Variants in DCDC2 observed in about 807,000 individuals in gnomAD.
DCDC2 encodes doublecortin domain-containing protein 2.
In DCDC2, 40 loss-of-function variants were observed where a neutral mutation model predicts 50.2. That is an observed-to-expected ratio of 0.80 (90% confidence interval 0.62 to 1.04). DCDC2 has a LOEUF of 1.04. Among genes scored for constraint, DCDC2 ranks in the 50% least tolerant of loss-of-function variants. DCDC2 has a pLI of 0.00. For synonymous variants in DCDC2, 234 were observed against 210.6 expected (o/e 1.11, Z -0.96); for missense variants, 570 against 581.9 (o/e 0.98, Z 0.21).
rs934702562 is a variant in DCDC2 at position 24,290,032 on chromosome 6, C to T, written c.704+900G>A. Among the ~76,000 whole-genome samples, 18 of 125,434 alleles carry T rather than the reference C, an allele frequency of 1.4e-4. No individual in the cohort carries two copies. The South Asian group carries it at 2.4e-3, about 17-fold the overall frequency. 82.3% of individuals were successfully genotyped at this position (125,434 alleles called of 152,430 possible). The stretch of plus-strand genomic sequence containing the variant: ...TTTTTGAGACGGAGTCTCGCTCTGT[C>T]GCCCAGGCTGGAGTGCAGTGGCGGG... On this transcript the variant is annotated intron_variant, in intron 5 of 9. Transcript: ENST00000378454.
upstream of DCDC2, among the ~76,000 whole-genome samples, chr6:24,359,350 A>T (rs1244377653): frequency 1.5e-4 from 9 of 58,896 alleles, 1 homozygote; most frequent in African/African-American, 7.7e-4. Context: ...TATTATATAT[A>T]TTTTATGTAT....
intron 8 of DCDC2, among the ~76,000 whole-genome samples, chr6:24,188,573 A>G (rs986091867): frequency 1.3e-5 from 2 of 152,192 alleles, no homozygotes; most frequent in African/African-American, 4.8e-5. Context: ...TTTATGCTCA[A>G]AGTCTTCATC....
intron 8 of DCDC2, among the ~76,000 whole-genome samples, chr6:24,204,697 T>C (rs868465172): frequency 6.6e-5 from 10 of 152,290 alleles, no homozygotes; most frequent in African/African-American, 1.9e-4. Flanking sequence ...CCAATACTCT[T>C]TTTTATATCA....
At chr6:24,213,805 C>G (rs1425952534) in intron 7 of DCDC2, among the ~76,000 whole-genome samples, 1 of 152,076 alleles carries the variant, frequency 6.6e-6, no homozygotes, top group Non-Finnish European at 1.5e-5. Context: ...TATTAGCCAA[C>G]TCTCCTGGGA....
chr6:24,266,648 G>C (rs148438390), intron 7 of DCDC2, among the ~76,000 whole-genome samples: 1 of 151,998 alleles, frequency 6.6e-6, no homozygotes, highest in African/African-American at 2.4e-5. Flanking sequence ...TATTTTATTC[G>C]GAAGACAGAC....
intron 7 of DCDC2, among the ~76,000 whole-genome samples, chr6:24,275,304 G>A (rs1763328240): frequency 6.6e-6 from 1 of 152,184 alleles, no homozygotes; most frequent in Admixed American, 6.5e-5. Flanking sequence ...GACATCTGCA[G>A]GGAGATCCCA....
rs554707580 is a variant in DCDC2, at chr6:24,174,438, T to C, written c.*292A>G. The C allele has an allele frequency of 2.0e-5, 4 of 200,480 alleles. No homozygotes were observed. In the South Asian group the frequency reaches 5.8e-4, roughly 29 times the overall value. The allele number at this position is 200,480 out of a possible 1,614,324, so 12.4% of individuals were successfully genotyped here. ...ATAAAGCGTACAATAAGAGTGATCC[T>C]ATTTTTCATCCTTTACAAGTGGCAA... On this transcript the variant is annotated 3_prime_UTR_variant, in exon 10 of 10. Coordinates refer to ENST00000378454, the MANE Select transcript of DCDC2 (RefSeq NM_016356.5).
intron 2 of DCDC2, among the ~76,000 whole-genome samples, chr6:24,302,466 C>A (rs374374707): frequency 1.3e-5 from 2 of 152,108 alleles, no homozygotes; most frequent in East Asian, 1.9e-4. Context: ...TTCCCATGCA[C>A]CTGCTTTCTG....
At chr6:24,180,138 A>G (rs2996452) in intron 8 of DCDC2, among the ~76,000 whole-genome samples, 130,065 of 151,948 alleles carry the variant, frequency 0.86, 55,832 homozygotes, top group Admixed American at 0.88. Flanking sequence ...ATGAAGATTA[A>G]AGAAAAGTTA....
At chr6:24,225,408 T>TACACAC (rs149354141) in intron 7 of DCDC2, among the ~76,000 whole-genome samples, 1 of 151,366 alleles carries the variant, frequency 6.6e-6, no homozygotes, top group African/African-American at 2.4e-5. Flanking sequence ...TTAAACTTGA[T>TACACAC]ACACACACAC....
rs74826230 is a variant in DCDC2, at chr6:24,325,434, G to C, written c.349-23390C>G. Among the ~76,000 whole-genome samples, 740 of 149,692 alleles carry C rather than the reference G, an allele frequency of 4.9e-3. 61 individuals are homozygous for C. The highest frequency in any genetic ancestry group is 7.7e-3 in the Non-Finnish European group (518 of 67,242). Reference sequence around the variant, plus strand: ...CTAGATCTTGGCTCCCACTGGCAAAGATGAGTGGGGGTTATTGTCTTCTCT... The same window carrying C: ...CTAGATCTTGGCTCCCACTGGCAAACATGAGTGGGGGTTATTGTCTTCTCT... On this transcript the variant is annotated intron_variant, in intron 2 of 9. Coordinates refer to ENST00000378454, the MANE Select transcript of DCDC2 (RefSeq NM_016356.5).
At position 24,178,622 on chromosome 6, in the gene DCDC2, T is replaced by A; in HGVS notation, c.1034A>T (p.Glu345Val). 1.2e-6 allele frequency: 2 copies of A among 1,612,366 alleles called. No homozygotes were observed. The highest frequency in any genetic ancestry group is 1.7e-6 in the Non-Finnish European group (2 of 1,179,634). The change falls in exon 9 of 10, where the codon GAA (glutamate) becomes GTA (valine). Residue 345 changes from glutamate (E) to valine (V), a missense_variant. Transcript: ENST00000378454. Reference sequence around the variant, plus strand: ...TCCATCTTCTTCCTCGTCTACTATTTCTGCTGGCCTCTGATGGATCAAAAG... The same window carrying A: ...TCCATCTTCTTCCTCGTCTACTATTACTGCTGGCCTCTGATGGATCAAAAG... ...VEVPVDQRPAEIVDEEEDGEK... is the reference protein window; with the variant it reads ...VEVPVDQRPAVIVDEEEDGEK...
At chr6:24,180,081 G>A (rs1475941124) in intron 8 of DCDC2, among the ~76,000 whole-genome samples, 1 of 151,958 alleles carries the variant, frequency 6.6e-6, no homozygotes, top group Admixed American at 6.6e-5. Flanking sequence ...TAACTTTGGT[G>A]AGTTTCAGAT....
chr6:24,194,318 A>T (rs1581579044), intron 8 of DCDC2, among the ~76,000 whole-genome samples: 1 of 152,352 alleles, frequency 6.6e-6, no homozygotes, highest in African/African-American at 2.4e-5. Flanking sequence ...GTTTAAAAAA[A>T]TTATTTTACT....
At chr6:24,280,923 C>T (rs1004168908) in intron 6 of DCDC2, among the ~76,000 whole-genome samples, 1 of 152,114 alleles carries the variant, frequency 6.6e-6, no homozygotes, top group African/African-American at 2.4e-5. Context: ...TTCTGAGATG[C>T]TGTTGAACTT....
At chr6:24,287,855 G>A (rs1763646076) in intron 6 of DCDC2, among the ~76,000 whole-genome samples, 3 of 152,120 alleles carry the variant, frequency 2.0e-5, no homozygotes, top group Non-Finnish European at 4.4e-5. Flanking sequence ...GCCTTTTTAA[G>A]CTATCTTCTT....
chr6:24,288,712 T>G lies in DCDC2; in HGVS notation c.759+140A>C, dbSNP rs1024220545. Reference sequence around the variant, plus strand: ...GACCATAAGTGTAACATTAAAGTTCTAGTGCTGTTTCACATAATTGGTTAT... The same window carrying G: ...GACCATAAGTGTAACATTAAAGTTCGAGTGCTGTTTCACATAATTGGTTAT... On this transcript the variant is annotated intron_variant, in intron 6 of 9. Coordinates refer to ENST00000378454, the MANE Select transcript of DCDC2 (RefSeq NM_016356.5). The G allele has an allele frequency of 6.7e-5, 47 of 706,652 alleles. No individual in the cohort carries two copies. In the South Asian group the frequency reaches 7.6e-4, roughly 11 times the overall value. The allele number at this position is 706,652 out of a possible 1,614,324, so 43.8% of individuals were successfully genotyped here.
At chr6:24,275,342 T>C (rs543811546) in intron 7 of DCDC2, among the ~76,000 whole-genome samples, 5 of 152,328 alleles carry the variant, frequency 3.3e-5, no homozygotes, top group African/African-American at 9.6e-5. Flanking sequence ...CAATTTTCAG[T>C]AGTATGGACT....
chr6:24,365,240 A>G, the DCDC2 span, among the ~76,000 whole-genome samples: 1 of 152,194 alleles, frequency 6.6e-6, no homozygotes, highest in Non-Finnish European at 1.5e-5. Flanking sequence ...TTTGCCTAAC[A>G]TACCTTAATC....
Sources: allele counts gnomAD v4.1 joint callset (sites outside exome capture counted in the v4.1 genomes callset), GRCh38; gene constraint gnomAD v4.1.1; transcripts MANE v1.5; gene names NCBI Gene and HGNC (gene_info 2026-07-23, HGNC 2026-07-21).